ZNF385D: variants seen among roughly 807,000 people sequenced by gnomAD.
ZNF385D encodes the protein zinc finger protein 659.
ZNF385D carries 15 observed loss-of-function variants against 35.8 expected under a neutral mutation model. That is an observed-to-expected ratio of 0.42 (90% CI 0.28 to 0.64). The LOEUF (loss-of-function observed/expected upper bound fraction) is 0.64, where lower values mean the gene tolerates loss of function less well. Ranked by LOEUF, ZNF385D falls within the 30% of genes least tolerant of loss-of-function variation. ZNF385D has a pLI of 0.23. For synonymous variants in ZNF385D, 212 were observed against 186.8 expected, an observed-to-expected ratio of 1.13 and a Z score of -1.10; for missense variants, 474 against 494.6, an observed-to-expected ratio of 0.96 and a Z score of 0.39.
intron 3 of ZNF385D, among the ~76,000 whole-genome samples, chr3:21,797,625 A>C (rs1324683842): frequency 6.6e-6 from 1 of 152,192 alleles, no homozygotes; most frequent in Non-Finnish European, 1.5e-5. Flanking sequence ...TAGATAAATA[A>C]ACTGTGGTAC....
At position 21,658,857 on chromosome 3, in the gene ZNF385D, C is replaced by CGAG. The variant is rs970849983; in HGVS notation, c.165+6028_165+6029insCTC. ...TCTTTATAGAATGATTTAACTACTCCACCCCATTTTCAACAAATGAAGCAA... is the reference window on the plus strand; with the variant it reads ...TCTTTATAGAATGATTTAACTACTCCGAGACCCCATTTTCAACAAATGAAGCAA... On this transcript the variant is annotated intron_variant, in intron 2 of 7. Transcript: ENST00000281523. Among the ~76,000 whole-genome samples, 3 of 151,926 alleles carry CGAG rather than the reference C, an allele frequency of 2.0e-5. 1 individual carries two copies. The highest frequency in any genetic ancestry group is 2.0e-4 in the Admixed American group (3 of 15,224).
intron 2 of ZNF385D, among the ~76,000 whole-genome samples, chr3:21,606,001 T>C (rs779662619): frequency 6.6e-6 from 1 of 152,188 alleles, no homozygotes; most frequent in Non-Finnish European, 1.5e-5. Flanking sequence ...CTCCTTCCAC[T>C]CTGACTTTCT....
At chr3:22,157,957 G>A (rs1705698537) in intron 3 of ZNF385D, among the ~76,000 whole-genome samples, 1 of 152,008 alleles carries the variant, frequency 6.6e-6, no homozygotes, top group Non-Finnish European at 1.5e-5. Flanking sequence ...AAGTTCCCTG[G>A]GAATAACTCT....
chr3:21,630,266 A>G (rs1306559933), intron 2 of ZNF385D, among the ~76,000 whole-genome samples: 1 of 139,638 alleles, frequency 7.2e-6, no homozygotes, highest in Non-Finnish European at 1.5e-5. Flanking sequence ...ACAATGTTGT[A>G]TTCTTGGCAG....
chr3:22,204,222 C>T (rs867737232), intron 2 of ZNF385D, among the ~76,000 whole-genome samples: 1 of 152,094 alleles, frequency 6.6e-6, no homozygotes, highest in Non-Finnish European at 1.5e-5. Flanking sequence ...GAGAATTCTT[C>T]TGGATCTTAT....
intron 3 of ZNF385D, among the ~76,000 whole-genome samples, chr3:21,522,116 C>T (rs1222893019): frequency 1.3e-5 from 2 of 152,034 alleles, no homozygotes; most frequent in Non-Finnish European, 2.9e-5. Context: ...ATAAACTGTG[C>T]TTTTATGAAA....
At chr3:22,268,389 C>A (rs1479811336) in intron 2 of ZNF385D, among the ~76,000 whole-genome samples, 1 of 151,852 alleles carries the variant, frequency 6.6e-6, no homozygotes, top group Non-Finnish European at 1.5e-5. Flanking sequence ...AAGCATAATG[C>A]TCATTTTGTT....
chr3:21,691,964 C>T (rs911482361), intron 1 of ZNF385D, among the ~76,000 whole-genome samples: 12 of 152,248 alleles, frequency 7.9e-5, no homozygotes, highest in East Asian at 1.9e-4. Context: ...ATCTCCTAGG[C>T]GTGGAGTCAT....
chr3:22,139,565 T>C (rs1375707699), intron 3 of ZNF385D, among the ~76,000 whole-genome samples: 2 of 141,844 alleles, frequency 1.4e-5, no homozygotes, highest in African/African-American at 5.4e-5. Flanking sequence ...AATTGAACAA[T>C]GAGAACACAT....
chr3:21,663,908 TATATATA>T (rs2066314317), intron 2 of ZNF385D, among the ~76,000 whole-genome samples: 4 of 124,254 alleles, frequency 3.2e-5, no homozygotes, highest in African/African-American at 9.2e-5. Flanking sequence ...TATATATATA[TATATATA>T]TATTTATTTA....
intron 4 of ZNF385D, among the ~76,000 whole-genome samples, chr3:21,458,093 A>C (rs957003544): frequency 6.6e-6 from 1 of 152,168 alleles, no homozygotes; most frequent in Non-Finnish European, 1.5e-5. Flanking sequence ...CTAGCAATGC[A>C]GGGCAAAAAG....
chr3:21,601,606 G>A (rs1020695666), intron 2 of ZNF385D, among the ~76,000 whole-genome samples: 2 of 152,138 alleles, frequency 1.3e-5, no homozygotes, highest in Non-Finnish European at 2.9e-5. Context: ...ATCATCTAAG[G>A]AAAGCAAATT....
chr3:21,947,808 G>A (rs1310521512), intron 3 of ZNF385D, among the ~76,000 whole-genome samples: 1 of 151,950 alleles, frequency 6.6e-6, no homozygotes, highest in Non-Finnish European at 1.5e-5. Context: ...TTGGTGTTAT[G>A]CTTAGAAAGA....
chr3:22,171,102 A>G (rs897928610), intron 2 of ZNF385D, among the ~76,000 whole-genome samples: 1 of 133,470 alleles, frequency 7.5e-6, no homozygotes, highest in Admixed American at 7.2e-5. Flanking sequence ...GCACATGATG[A>G]CCATTTATTA....
chr3:21,997,869 G>A (rs1015161251), intron 3 of ZNF385D, among the ~76,000 whole-genome samples: 11 of 56,434 alleles, frequency 1.9e-4, no homozygotes, highest in South Asian at 4.7e-4. Context: ...GCGCGCGCGC[G>A]CGCGTGTGTG....
chr3:21,706,140 A>C (rs571853555), intron 1 of ZNF385D, among the ~76,000 whole-genome samples: 1 of 152,348 alleles, frequency 6.6e-6, no homozygotes, highest in Non-Finnish European at 1.5e-5. Context: ...AATGACTGTA[A>C]AATTGGCTTA....
chr3:22,094,705 A>G (rs1340980441), intron 3 of ZNF385D, among the ~76,000 whole-genome samples: 6 of 151,954 alleles, frequency 3.9e-5, no homozygotes, highest in Admixed American at 3.9e-4. Flanking sequence ...TGAGAATACC[A>G]GACATGCTCA....
chr3:21,558,346 T>G (rs13061063), intron 3 of ZNF385D, among the ~76,000 whole-genome samples: 30,496 of 151,968 alleles, frequency 0.2, 3,809 homozygotes, highest in Non-Finnish European at 0.28. Context: ...GAGATTCTGG[T>G]ACATTGTGTC....
At chr3:22,141,166 G>C (rs1009767633) in intron 3 of ZNF385D, among the ~76,000 whole-genome samples, 3 of 151,910 alleles carry the variant, frequency 2.0e-5, no homozygotes, top group African/African-American at 7.3e-5. Context: ...AATAATAAGA[G>C]AACACAAAAT....
Sources: allele counts gnomAD v4.1 joint callset (sites outside exome capture counted in the v4.1 genomes callset), GRCh38; gene constraint gnomAD v4.1.1; transcripts MANE v1.5; gene names NCBI Gene and HGNC (gene_info 2026-07-23, HGNC 2026-07-21).